Variants in CLSTN3 observed in about 807,000 individuals in gnomAD.
The protein encoded by CLSTN3 is calsyntenin-3.
CLSTN3 carries 36 observed loss-of-function variants against 95.9 expected under a neutral mutation model. The ratio of observed to expected loss-of-function variants is 0.38; its 90% CI spans 0.29 to 0.50. The LOEUF (loss-of-function observed/expected upper bound fraction) is 0.50, where lower values mean the gene tolerates loss of function less well. CLSTN3 is among the 20% of genes least tolerant of loss of function. CLSTN3 has a pLI of 0.95. For synonymous variants in CLSTN3, 481 were observed against 504.0 expected, an observed-to-expected ratio of 0.95 and a Z score of 0.61; for missense variants, 1,084 against 1,268.8, an observed-to-expected ratio of 0.85 and a Z score of 2.21.
At position 7,151,896 on chromosome 12, in the gene CLSTN3, T is replaced by TAA. The variant is rs1939729412; in HGVS notation, c.2527+840_2527+841dup. Among the ~76,000 whole-genome samples, 7 of 150,828 alleles carry TAA rather than the reference T, an allele frequency of 4.6e-5. No individual in the cohort carries two copies. The South Asian group carries it at 1.5e-3, about 31-fold the overall frequency. On this transcript the variant is annotated intron_variant, in intron 16 of 17. Coordinates refer to ENST00000266546, the MANE Select transcript of CLSTN3 (RefSeq NM_014718.4). The stretch of plus-strand genomic sequence containing the variant: ...AGTGAGACTCTGTCTTTACAAAAAA[T>TAA]AAAAAAAATTAGCTGGGCATGGTGG...
chr12:7,138,136 T>C lies in CLSTN3; in HGVS notation c.1323+69T>C, dbSNP rs1471427394. The C allele has an allele frequency of 3.3e-6, 4 of 1,221,142 alleles. No homozygotes were observed. In the African/African-American group the frequency reaches 6.0e-5, roughly 18 times the overall value. 75.6% of individuals were successfully genotyped at this position (1,221,142 alleles called of 1,614,324 possible). On this transcript the variant is annotated intron_variant, in intron 8 of 17. Transcript: ENST00000266546. The stretch of plus-strand genomic sequence containing the variant: ...CTCACTTTTAGGAAAGGACCTTCTC[T>C]GGGCAGGGTCAGCATTTTCTGGGTT...
intron 4 of CLSTN3, 120 bp from the exon 5 acceptor site, chr12:7,135,684 T>C (rs900500705): frequency 1.2e-5 from 17 of 1,387,002 alleles, no homozygotes; most frequent in Non-Finnish European, 1.7e-5. Flanking sequence ...CCCAGATGCC[T>C]TTTTTCCCAG....
Position 7,149,026 on chromosome 12 carries a change from C to T in CLSTN3, c.1902C>T (p.Val634=), listed in dbSNP as rs1015128302. 18 of 1,614,032 alleles carry T rather than the reference C, an allele frequency of 1.1e-5. No individual in the cohort carries two copies. The highest frequency in any genetic ancestry group is 8.0e-5 in the African/African-American group (6 of 74,912). ...TCCCTGAAGTGGAGGGCTACGTGGT[C>T]GTCCTTCAGCCTGACGCCCCCCAGA... ...VSIPEVEGYV[V]VLQPDAPQIL... The change falls in exon 13 of 18, where the codon GTC becomes GTT. Residue 634 remains valine, a synonymous_variant. Coordinates refer to ENST00000266546, the MANE Select transcript of CLSTN3 (RefSeq NM_014718.4). This position sits in a 1 kb window ranked among gnomAD's most constrained non-coding sequence, Gnocchi z 4.5.
rs1416835360 is a variant in CLSTN3 at position 7,141,202 on chromosome 12, A to C, written c.1324-40A>C. 8.8e-6 allele frequency: 14 copies of C among 1,597,634 alleles called. No individual in the cohort carries two copies. Among genetic ancestry groups the C allele is most frequent in the Non-Finnish European group, 1.2e-5 (14 of 1,170,652 alleles). On this transcript the variant is annotated intron_variant, in intron 8 of 17. Coordinates refer to ENST00000266546, the MANE Select transcript of CLSTN3 (RefSeq NM_014718.4). This position sits in a 1 kb window ranked among gnomAD's most constrained non-coding sequence, Gnocchi z 4.1. ...GCCTAGGGTTAGCTCTCTGAAGACG[A>C]ATTACCTGAGAGGCTCTTGCCCCTA...
Position 7,130,616 on chromosome 12 carries a change from A to G in CLSTN3, c.-33A>G. On this transcript the variant is annotated 5_prime_UTR_variant, in exon 1 of 18. Transcript: ENST00000266546. ...AGGCTGGAGGCTCCCAGGGGAGGCA[A>G]ACGCCTGGCCCTGCCCTGCCCCACG... The G allele has an allele frequency of 1.3e-6, 2 of 1,553,934 alleles. No homozygotes were observed. The highest frequency in any genetic ancestry group is 1.7e-6 in the Non-Finnish European group (2 of 1,148,802).
chr12:7,151,108 G>T, intron 16 of CLSTN3, 45 bp downstream of exon 16: 3 of 1,506,236 alleles, frequency 2.0e-6, no homozygotes, highest in Non-Finnish European at 2.7e-6. Context: ...CAGGTGGCAG[G>T]TGAGTGTGTT....
chr12:7,152,121 G>A (rs1939734744), intron 16 of CLSTN3, among the ~76,000 whole-genome samples: 1 of 151,676 alleles, frequency 6.6e-6, no homozygotes, highest in African/African-American at 2.4e-5. Context: ...CCGTCAGAGA[G>A]GAAACCACTG....
intron 10 of CLSTN3, 42 bp from the exon 11 acceptor site, chr12:7,142,827 T>C (rs1301805237): frequency 6.4e-7 from 1 of 1,556,462 alleles, no homozygotes; most frequent in Admixed American, 1.7e-5. Flanking sequence ...TCCATCCTCC[T>C]CTCTTCTCAC....
intron 16 of CLSTN3, among the ~76,000 whole-genome samples, chr12:7,151,931 G>A (rs1008805908): frequency 1.3e-5 from 2 of 151,964 alleles, no homozygotes; most frequent in African/African-American, 4.8e-5. Context: ...GCAGGTGCCT[G>A]TAGTCCCAGC....
Position 7,133,145 on chromosome 12 carries a change from A to G in CLSTN3, c.186A>G (p.Ala62=). The G allele has an allele frequency of 7.2e-7, 1 of 1,397,558 alleles. No individual in the cohort carries two copies. Among genetic ancestry groups the G allele is most frequent in the Non-Finnish European group, 9.6e-7 (1 of 1,041,548 alleles). 86.6% of individuals were successfully genotyped at this position (1,397,558 alleles called of 1,614,324 possible). The change falls in exon 2 of 18, where the codon GCA becomes GCG. Residue 62 remains alanine (A), a splice_region_variant and synonymous_variant. Transcript: ENST00000266546. This position sits in a 1 kb window ranked among gnomAD's most constrained non-coding sequence, Gnocchi z 4.7. ...ALDKDAPLRY[A]GEICGFRLHG... ...ACAAGGATGCCCCGCTGCGCTATGC[A>G]GGTAATTGGGATTGGGGGATGGCAA...
At chr12:7,140,031 AAC>A (rs1939500782) in intron 8 of CLSTN3, among the ~76,000 whole-genome samples, 1 of 152,188 alleles carries the variant, frequency 6.6e-6, no homozygotes, top group South Asian at 2.1e-4. Context: ...GGACTGTTGC[AAC>A]AGTCTTCATG....
chr12:7,131,645 G>C (rs1404336994), intron 1 of CLSTN3: 1 of 392,202 alleles, frequency 2.5e-6, no homozygotes, highest in Non-Finnish European at 5.1e-6. Context: ...TCAGAGACCT[G>C]GGAAGACAAG....
Position 7,149,734 on chromosome 12 carries a change from C to G in CLSTN3, c.2245+41C>G, listed in dbSNP as rs1179065453. On this transcript the variant is annotated intron_variant, in intron 14 of 17. Coordinates refer to ENST00000266546, the MANE Select transcript of CLSTN3 (RefSeq NM_014718.4). The surrounding 1 kb of genome is among the most constrained non-coding windows in gnomAD (Gnocchi z 4.5). ...GGGCCTGTCCTCTGTGTGTGTGTGC[C>G]CCTCCCAAAAAGTAAGGGCCTAGGA... is the stretch of plus-strand genomic sequence containing the variant. 1 of 1,550,294 alleles carries G rather than the reference C, an allele frequency of 6.5e-7. No homozygotes were observed. The highest frequency in any genetic ancestry group is 8.8e-7 in the Non-Finnish European group (1 of 1,134,814).
chr12:7,149,793 G>C lies in CLSTN3; in HGVS notation c.2245+100G>C. On this transcript the variant is annotated intron_variant, in intron 14 of 17. Coordinates refer to ENST00000266546, the MANE Select transcript of CLSTN3 (RefSeq NM_014718.4). The surrounding 1 kb of genome is among the most constrained non-coding windows in gnomAD (Gnocchi z 4.5). ...GGGTCCTCCTTCCAGGTCCAGGGAT[G>C]TGGACAAGTGCCGTTTTGCATTTTC... 1 of 1,121,826 alleles carries C rather than the reference G, an allele frequency of 8.9e-7. No homozygotes were observed. Among genetic ancestry groups the C allele is most frequent in the Non-Finnish European group, 1.3e-6 (1 of 793,032 alleles). 69.5% of individuals were successfully genotyped at this position (1,121,826 alleles called of 1,614,324 possible). A position where few individuals can be genotyped will look rare whatever the true frequency, so the allele number is the denominator to read the frequency against.
At chr12:7,130,148 T>C, upstream of CLSTN3, 1 of 191,126 alleles carries the variant, frequency 5.2e-6, no homozygotes, top group South Asian at 7.7e-5. Context: ...CCCACGTCCC[T>C]CTTCTTTCCC....
chr12:7,153,216 T>C (rs1460114198), intron 16 of CLSTN3, among the ~76,000 whole-genome samples: 14 of 152,116 alleles, frequency 9.2e-5, no homozygotes, highest in Non-Finnish European at 1.5e-5. Context: ...AGAGCAGTGG[T>C]AATCCTAGCT....
intron 12 of CLSTN3, among the ~76,000 whole-genome samples, chr12:7,143,631 C>A (rs1050700735): frequency 6.6e-6 from 1 of 152,202 alleles, no homozygotes; most frequent in African/African-American, 2.4e-5. Flanking sequence ...GTGGGGAGAC[C>A]TGACATTAAT....
At chr12:7,135,727 G>T (rs1447580406) in intron 4 of CLSTN3, 77 bp from the exon 5 acceptor site, 2 of 1,514,360 alleles carry the variant, frequency 1.3e-6, no homozygotes, top group South Asian at 1.3e-5. Flanking sequence ...GCTGCCCGAT[G>T]ATCTCAGACA....
intron 1 of CLSTN3, chr12:7,132,280 G>A (rs1416467062): frequency 4.2e-6 from 1 of 237,080 alleles, no homozygotes; most frequent in African/African-American, 2.3e-5. Context: ...GGTTTCGAAT[G>A]TGTTCTCTTG....
Sources: gnomAD v4.1 joint callset for allele counts (sites outside exome capture counted in the v4.1 genomes callset) on GRCh38, gnomAD v4.1.1 for gene constraint, Gnocchi (gnomAD v3.1) non-coding constraint, MANE v1.5 for transcripts, NCBI Gene and HGNC (gene_info 2026-07-23, HGNC 2026-07-21) for gene names.